PIK3R4: variants seen among roughly 807,000 people sequenced by gnomAD.
PIK3R4 encodes phosphoinositide-3-kinase regulatory subunit 4, also known as phosphoinositide 3-kinase regulatory subunit 4.
PIK3R4 carries 46 observed loss-of-function variants against 136.5 expected under a neutral mutation model. The observed-to-expected ratio is 0.34, with a 90% confidence interval of 0.27 to 0.43. The LOEUF (loss-of-function observed/expected upper bound fraction) is 0.43. Among genes scored for constraint, PIK3R4 ranks in the 20% least tolerant of loss-of-function variants. The pLI is 1.00. For synonymous variants in PIK3R4, 557 were observed against 566.7 expected (o/e 0.98, Z 0.24); for missense variants, 1,331 against 1,649.5 (o/e 0.81, Z 3.35).
chr3:130,737,408 C>T (rs980577336), intron 2 of PIK3R4, among the ~76,000 whole-genome samples: 3 of 152,124 alleles, frequency 2.0e-5, no homozygotes, highest in Non-Finnish European at 4.4e-5. Context: ...GCCTGTAATC[C>T]CACCACTTTG....
Position 130,686,387 on chromosome 3 carries a change from T to C in PIK3R4, c.3299A>G (p.Asp1100Gly), listed in dbSNP as rs2108515775. The change falls in exon 15 of 20, where the codon GAT becomes GGT. Residue 1100 changes from aspartate to glycine, a missense_variant. Coordinates refer to ENST00000356763, the MANE Select transcript of PIK3R4 (RefSeq NM_014602.3). ...TGCTCCAGAGTTGAAGTGATGCATA[T>C]CCACAACACAACCGTCCTCCTTCTG... The part of the protein sequence containing the change: ...LDQKEDGCVV[D>G]MHHFNSGAQS... The C allele has an allele frequency of 3.1e-6, 5 of 1,612,458 alleles. No individual in the cohort carries two copies. Among genetic ancestry groups the C allele is most frequent in the Non-Finnish European group, 4.2e-6 (5 of 1,178,544 alleles).
chr3:130,725,718 T>C (rs1293138152), intron 6 of PIK3R4, among the ~76,000 whole-genome samples: 1 of 151,952 alleles, frequency 6.6e-6, no homozygotes, highest in Admixed American at 6.6e-5. Context: ...TTAATGTTCT[T>C]AATATGTATA....
At chr3:130,743,963 A>C (rs1013489008) in intron 2 of PIK3R4, among the ~76,000 whole-genome samples, 6 of 152,228 alleles carry the variant, frequency 3.9e-5, no homozygotes, top group Admixed American at 2.6e-4. Flanking sequence ...GAAACAAACT[A>C]CTCTACGAAA....
intron 15 of PIK3R4, 149 bp from the exon 16 acceptor site, chr3:130,684,530 T>C (rs1445144805): frequency 3.1e-6 from 2 of 648,996 alleles, no homozygotes; most frequent in Non-Finnish European, 5.2e-6. Context: ...CTCATGAAGC[T>C]GTCTCACCAT....
In PIK3R4 at chr3:130,686,242, A is replaced by C. The variant is rs201771616; in HGVS notation, c.3444T>G (p.Ala1148=). 17 of 1,613,292 alleles carry C rather than the reference A, an allele frequency of 1.1e-5. No homozygotes were observed. The African/African-American group carries it at 2.0e-4, about 19-fold the overall frequency. Residue 1148 remains alanine (A), a synonymous_variant, in exon 15 of 20, where the codon GCT becomes GCG. Coordinates refer to ENST00000356763, the MANE Select transcript of PIK3R4 (RefSeq NM_014602.3). ...DLKSGLITSF[A]VDIHQCWLCI... ...AGAGCCAGCATTGGTGGATGTCCAC[A>C]GCAAAGGAAGTGATGAGGCCCGACT...
chr3:130,720,060 C>G (rs2066690108), intron 7 of PIK3R4, among the ~76,000 whole-genome samples: 1 of 152,180 alleles, frequency 6.6e-6, no homozygotes, highest in African/African-American at 2.4e-5. Context: ...GAAGGATTTA[C>G]TGAGATTCTG....
chr3:130,729,820 G>A (rs1208257831), intron 5 of PIK3R4, among the ~76,000 whole-genome samples: 1 of 152,126 alleles, frequency 6.6e-6, no homozygotes, highest in Non-Finnish European at 1.5e-5. Flanking sequence ...GTAAAAATCT[G>A]TAAAGAGTTG....
At chr3:130,719,571 A>G (rs368114031) in intron 7 of PIK3R4, among the ~76,000 whole-genome samples, 12 of 152,156 alleles carry the variant, frequency 7.9e-5, no homozygotes, top group African/African-American at 2.9e-4. Context: ...GATCCATCCA[A>G]CAAGGGACAC....
chr3:130,689,112 A>G (rs1476997405), intron 14 of PIK3R4, among the ~76,000 whole-genome samples: 2 of 152,244 alleles, frequency 1.3e-5, no homozygotes, highest in Admixed American at 1.3e-4. Context: ...AAACAATCAA[A>G]AACTTATGAC....
At chr3:130,682,693 G>A (rs1044854091) in intron 16 of PIK3R4, among the ~76,000 whole-genome samples, 3 of 152,082 alleles carry the variant, frequency 2.0e-5, no homozygotes, top group East Asian at 3.9e-4. Flanking sequence ...CTACTCTGCT[G>A]TTACCAGCCC....
Position 130,734,008 on chromosome 3 carries a change from C to T in PIK3R4, c.990G>A (p.Gln330=). ...CAGAAAGAAACGTTTCCTTGGCAAACTGGGCCATGTAGGGCTGAAGAAAAG... is the reference window on the plus strand; with the variant it reads ...CAGAAAGAAACGTTTCCTTGGCAAATTGGGCCATGTAGGGCTGAAGAAAAG... ...FYTFLQPYMA[Q]FAKETFLSAD... The change falls in exon 4 of 20, where the codon CAG becomes CAA. Residue 330 remains glutamine, a synonymous_variant. Transcript: ENST00000356763. 1 of 1,614,152 alleles carries T rather than the reference C, an allele frequency of 6.2e-7. No individual in the cohort carries two copies.
intron 16 of PIK3R4, among the ~76,000 whole-genome samples, chr3:130,683,410 A>G (rs2066470521): frequency 6.6e-6 from 1 of 152,202 alleles, no homozygotes. Flanking sequence ...ACAATTTAAA[A>G]GCCAGGAAGA....
intron 19 of PIK3R4, among the ~76,000 whole-genome samples, chr3:130,680,032 G>GCC (rs906768050): frequency 7.6e-6 from 1 of 131,222 alleles, no homozygotes; most frequent in African/African-American, 3.1e-5. Context: ...CAGAGATCGT[G>GCC]CCACTGCACT....
At chr3:130,680,933 G>T in intron 18 of PIK3R4, 44 bp downstream of exon 18, 2 of 987,026 alleles carry the variant, frequency 2.0e-6, no homozygotes, top group Non-Finnish European at 3.1e-6. Flanking sequence ...TATAATAACA[G>T]CTTGTAAAAG....
intron 19 of PIK3R4, 48 bp downstream of exon 19, chr3:130,680,565 C>A: frequency 4.1e-6 from 4 of 984,376 alleles, no homozygotes; most frequent in Non-Finnish European, 6.3e-6. Context: ...TTTACAAAAG[C>A]CATGTTTGTG....
At chr3:130,683,447 T>C (rs2066470835) in intron 16 of PIK3R4, among the ~76,000 whole-genome samples, 1 of 152,102 alleles carries the variant, frequency 6.6e-6, no homozygotes, top group African/African-American at 2.4e-5. Flanking sequence ...GATCAAGAAG[T>C]AGGAGAACCA....
chr3:130,724,945 T>C (rs2066723258), intron 6 of PIK3R4, among the ~76,000 whole-genome samples: 1 of 152,006 alleles, frequency 6.6e-6, no homozygotes, highest in Admixed American at 6.5e-5. Flanking sequence ...GAAAGCTGAG[T>C]AGTTGCCTCT....
chr3:130,731,513 G>A (rs2066760235), intron 4 of PIK3R4, among the ~76,000 whole-genome samples: 1 of 152,052 alleles, frequency 6.6e-6, no homozygotes, highest in Non-Finnish European at 1.5e-5. Flanking sequence ...CCCTAAAAAT[G>A]GAAAAACTCT....
intron 2 of PIK3R4, among the ~76,000 whole-genome samples, chr3:130,740,586 A>C (rs1002732422): frequency 2.6e-5 from 4 of 151,960 alleles, no homozygotes; most frequent in African/African-American, 9.7e-5. Context: ...AAAAATACAA[A>C]AAAATTAGCC....
Sources: gnomAD v4.1 joint callset for allele counts (sites outside exome capture counted in the v4.1 genomes callset) on GRCh38, gnomAD v4.1.1 for gene constraint, MANE v1.5 for transcripts, NCBI Gene and HGNC (gene_info 2026-07-23, HGNC 2026-07-21) for gene names.